The following ZFAND3 variants were observed in gnomAD, a reference collection of about 807,000 sequenced individuals.
ZFAND3 encodes the protein zinc finger AN1-type containing 3, also known as AN1-type zinc finger protein 3.
ZFAND3 carries 10 observed loss-of-function variants against 29.6 expected under a neutral mutation model. The observed-to-expected ratio is 0.34, with a 90% CI of 0.21 to 0.57. ZFAND3 has a LOEUF of 0.57. Among genes scored for constraint, ZFAND3 ranks in the 20% least tolerant of loss-of-function variants. The pLI is 0.86. For missense variants in ZFAND3, 230 were observed against 304.5 expected (o/e 0.76, Z 1.82); for synonymous variants, 128 against 112.6 (o/e 1.14, Z -0.87).
At chr6:38,014,123 A>G (rs1343389291) in intron 2 of ZFAND3, among the ~76,000 whole-genome samples, 3 of 152,128 alleles carry the variant, frequency 2.0e-5, no homozygotes, top group Admixed American at 6.5e-5. Context: ...GGTAAAGCAA[A>G]TGGGGGCAAA....
chr6:38,025,783 G>T (rs1462076022), intron 2 of ZFAND3, among the ~76,000 whole-genome samples: 1 of 152,182 alleles, frequency 6.6e-6, no homozygotes, highest in Non-Finnish European at 1.5e-5. Context: ...ACTGTATGTT[G>T]TATGATTTCA....
chr6:38,140,671 T>C (rs928790122), intron 5 of ZFAND3, among the ~76,000 whole-genome samples: 1 of 152,160 alleles, frequency 6.6e-6, no homozygotes. Context: ...GGGGTGTTTT[T>C]TTATACCCAA....
At chr6:37,895,199 T>G (rs1414535228) in intron 1 of ZFAND3, among the ~76,000 whole-genome samples, 3 of 151,990 alleles carry the variant, frequency 2.0e-5, no homozygotes, top group African/African-American at 7.2e-5. Context: ...TTTTTTACTG[T>G]TTTGTTTTAT....
intron 2 of ZFAND3, among the ~76,000 whole-genome samples, chr6:37,940,935 C>T (rs1032168872): frequency 6.6e-6 from 1 of 152,120 alleles, no homozygotes; most frequent in Non-Finnish European, 1.5e-5. Context: ...AAGGCATAGA[C>T]AATTACATGG....
At chr6:38,118,346 G>A (rs768909195) in intron 5 of ZFAND3, among the ~76,000 whole-genome samples, 75 of 152,142 alleles carry the variant, frequency 4.9e-4, no homozygotes, top group Non-Finnish European at 9.3e-4. Flanking sequence ...TTTGTGATCT[G>A]CAAATTCTTG....
At chr6:37,966,468 G>A (rs536510864) in intron 2 of ZFAND3, among the ~76,000 whole-genome samples, 54 of 152,226 alleles carry the variant, frequency 3.5e-4, no homozygotes, top group African/African-American at 1.2e-3. Context: ...AGCAGACAAC[G>A]CTTAGAGAGA....
chr6:37,856,549 C>T (rs1764387058), intron 1 of ZFAND3, among the ~76,000 whole-genome samples: 1 of 152,146 alleles, frequency 6.6e-6, no homozygotes, highest in African/African-American at 2.4e-5. Context: ...TTTCCCCTTC[C>T]ATTTAGTCAG....
At chr6:38,025,654 C>CA (rs764961415) in intron 2 of ZFAND3, among the ~76,000 whole-genome samples, 5 of 152,140 alleles carry the variant, frequency 3.3e-5, no homozygotes, top group Non-Finnish European at 5.9e-5. Flanking sequence ...TGGCCAGTCT[C>CA]ATTCATCCAT....
chr6:38,015,596 C>T (rs1380766042), intron 2 of ZFAND3, among the ~76,000 whole-genome samples: 1 of 152,196 alleles, frequency 6.6e-6, no homozygotes, highest in Non-Finnish European at 1.5e-5. Context: ...TACCCTAGAA[C>T]ACTATGCAGC....
intron 4 of ZFAND3, 29 bp from the exon 5 acceptor site, chr6:38,116,543 C>T: frequency 3.1e-6 from 5 of 1,590,074 alleles, no homozygotes. Context: ...GGCACTAATC[C>T]TGATCCCCAA....
At chr6:38,072,270 C>G (rs1297247713) in intron 3 of ZFAND3, among the ~76,000 whole-genome samples, 2 of 152,126 alleles carry the variant, frequency 1.3e-5, no homozygotes, top group Non-Finnish European at 2.9e-5. Flanking sequence ...TTCCCACTTG[C>G]AAGAGAGAAT....
intron 2 of ZFAND3, among the ~76,000 whole-genome samples, chr6:38,036,007 T>C (rs1434623356): frequency 6.6e-6 from 1 of 152,200 alleles, no homozygotes; most frequent in Non-Finnish European, 1.5e-5. Context: ...CCCAGCTCCA[T>C]GTTATGGAAA....
chr6:37,971,988 T>A (rs764499867), intron 2 of ZFAND3, among the ~76,000 whole-genome samples: 56 of 151,608 alleles, frequency 3.7e-4, no homozygotes, highest in Non-Finnish European at 7.1e-4. Context: ...AAAAATAAAA[T>A]AAAATAAAAT....
intron 2 of ZFAND3, among the ~76,000 whole-genome samples, chr6:38,007,671 A>G (rs556673575): frequency 1.3e-5 from 2 of 152,246 alleles, no homozygotes; most frequent in South Asian, 2.1e-4. Context: ...GTATTAGCCT[A>G]TATCAGCTCT....
At chr6:37,839,154 G>A (rs1764022621) in intron 1 of ZFAND3, among the ~76,000 whole-genome samples, 1 of 151,324 alleles carries the variant, frequency 6.6e-6, no homozygotes, top group African/African-American at 2.4e-5. Context: ...AAATTGAGTT[G>A]TATGCCTTTT....
At chr6:38,130,229 T>C (rs1392935141) in intron 5 of ZFAND3, among the ~76,000 whole-genome samples, 1 of 152,246 alleles carries the variant, frequency 6.6e-6, no homozygotes, top group Non-Finnish European at 1.5e-5. Context: ...TAGAGTTTTC[T>C]AGGTGAACGA....
At chr6:37,862,697 C>G (rs978891496) in intron 1 of ZFAND3, among the ~76,000 whole-genome samples, 1 of 151,348 alleles carries the variant, frequency 6.6e-6, no homozygotes, top group Non-Finnish European at 1.5e-5. Context: ...GAGCGAGATC[C>G]TGTCTCTAAA....
At chr6:37,934,949 C>T (rs1761671971) in intron 2 of ZFAND3, among the ~76,000 whole-genome samples, 2 of 151,934 alleles carry the variant, frequency 1.3e-5, no homozygotes, top group Admixed American at 1.3e-4. Flanking sequence ...CCGTCAGTCC[C>T]CCTTTCACAT....
chr6:38,088,266 T>C (rs1210313695), intron 4 of ZFAND3: 1 of 152,226 alleles, frequency 6.6e-6, no homozygotes. Flanking sequence ...GAGGTCATTA[T>C]GTTAATTGAA....
Sources: gnomAD v4.1 joint callset for allele counts (sites outside exome capture counted in the v4.1 genomes callset) on GRCh38, gnomAD v4.1.1 for gene constraint, MANE v1.5 for transcripts, NCBI Gene and HGNC (gene_info 2026-07-23, HGNC 2026-07-21) for gene names.